DOP1B: variants seen among roughly 807,000 people sequenced by gnomAD.
The protein encoded by DOP1B is protein DOP1B.
Under a neutral mutation model 233.5 loss-of-function variants are expected in DOP1B, and 174 were observed. That is an observed-to-expected ratio of 0.75 (90% CI 0.66 to 0.85). DOP1B has a LOEUF of 0.85. DOP1B is among the 40% of genes least tolerant of loss of function. The pLI is 0.00. For synonymous variants in DOP1B, 1,190 were observed against 1,185.6 expected, an observed-to-expected ratio of 1.00 and a Z score of -0.08; for missense variants, 2,652 against 2,846.6, an observed-to-expected ratio of 0.93 and a Z score of 1.56.
At chr21:36,256,892 T>C (rs1308440960) in intron 23 of DOP1B, among the ~76,000 whole-genome samples, 1 of 152,158 alleles carries the variant, frequency 6.6e-6, no homozygotes, top group African/African-American at 2.4e-5. Flanking sequence ...TGGACACCAG[T>C]TGGGTGTCCT....
At chr21:36,185,008 T>G (rs1476181339) in intron 2 of DOP1B, among the ~76,000 whole-genome samples, 2 of 152,178 alleles carry the variant, frequency 1.3e-5, no homozygotes, top group Non-Finnish European at 2.9e-5. Flanking sequence ...GACTGAAACC[T>G]GTTGAGGATT....
chr21:36,272,572 G>A (rs1022566865), intron 27 of DOP1B, among the ~76,000 whole-genome samples: 3 of 151,540 alleles, frequency 2.0e-5, no homozygotes, highest in East Asian at 1.9e-4. Context: ...ACTTGAACCC[G>A]GAAGGTGGAG....
chr21:36,173,290 T>C (rs8131593), intron 2 of DOP1B, among the ~76,000 whole-genome samples: 56,468 of 152,054 alleles, frequency 0.37, 10,633 homozygotes, highest in South Asian at 0.5. Flanking sequence ...CAACCCTTTT[T>C]TCAACTAAGA....
rs1183044810 is a variant in DOP1B at position 36,281,559 on chromosome 21, T to C, written c.6108T>C (p.Ala2036=). The C allele has an allele frequency of 6.2e-7, 1 of 1,610,074 alleles. No homozygotes were observed. Among genetic ancestry groups the C allele is most frequent in the African/African-American group, 1.3e-5 (1 of 75,034 alleles). Residue 2036 remains alanine, a synonymous_variant, in exon 32 of 37, where the codon GCT becomes GCC. Coordinates refer to ENST00000691173, the MANE Select transcript of DOP1B (RefSeq NM_001320714.2). Reference sequence around the variant, plus strand: ...TGCTGTTAAAGCGCCAGGCTTTTGCTGTCTTCAGTGGAGAACTTGATCAAT... The same window carrying C: ...TGCTGTTAAAGCGCCAGGCTTTTGCCGTCTTCAGTGGAGAACTTGATCAAT... The part of the protein sequence containing the change: ...KAMLLKRQAF[A]VFSGELDQYH...
At chr21:36,227,949 C>CT in intron 13 of DOP1B, 72 bp downstream of exon 13, 1 of 1,400,096 alleles carries the variant, frequency 7.1e-7, no homozygotes. Flanking sequence ...AGTAGAAAGT[C>CT]TTTAGGGTTG....
At chr21:36,274,594 GC>G (rs1737734398) in intron 27 of DOP1B, among the ~76,000 whole-genome samples, 2 of 152,198 alleles carry the variant, frequency 1.3e-5, no homozygotes, top group South Asian at 4.2e-4. Flanking sequence ...GTGTCCGAAG[GC>G]CCCAGGGGCA....
chr21:36,159,162 A>G (rs76101191), intron 1 of DOP1B, among the ~76,000 whole-genome samples: 4,931 of 151,594 alleles, frequency 0.033, 164 homozygotes, highest in African/African-American at 0.081. Flanking sequence ...AAAACAAAAC[A>G]AAAAAGAGAC....
chr21:36,201,345 C>CTTTTTTTTTTTTTT lies in DOP1B; in HGVS notation c.491+851_491+864dup, dbSNP rs1172730528. 6.4e-4 allele frequency among the ~76,000 whole-genome samples: 53 copies of CTTTTTTTTTTTTTT among 83,258 alleles called. 10 individuals are homozygous for CTTTTTTTTTTTTTT. Among genetic ancestry groups the CTTTTTTTTTTTTTT allele is most frequent in the African/African-American group, 1.9e-3 (37 of 19,866 alleles). The allele number at this position is 83,258 out of a possible 152,430, so 54.6% of individuals were successfully genotyped here. On this transcript the variant is annotated intron_variant, in intron 4 of 36. Coordinates refer to ENST00000691173, the MANE Select transcript of DOP1B (RefSeq NM_001320714.2). ...TCTATTCCACTGTATCTATTGGATT[C>CTTTTTTTTTTTTTT]TTTTTTTTTTTTTTTTTTTTGAGAC...
chr21:36,228,717 G>A (rs2066722239), intron 13 of DOP1B, among the ~76,000 whole-genome samples: 1 of 151,902 alleles, frequency 6.6e-6, no homozygotes, highest in African/African-American at 2.4e-5. Context: ...AGTGAGCCGA[G>A]ATAGTGCCAC....
intron 30 of DOP1B, among the ~76,000 whole-genome samples, chr21:36,278,595 C>T (rs981285606): frequency 1.2e-4 from 19 of 152,128 alleles, no homozygotes; most frequent in Admixed American, 3.3e-4. Flanking sequence ...TGGCTGGGCA[C>T]GGTGGCTCAT....
At chr21:36,238,838 C>CA (rs1954419441) in intron 17 of DOP1B, 137 bp downstream of exon 17, 1 of 813,720 alleles carries the variant, frequency 1.2e-6, no homozygotes, top group Admixed American at 2.2e-5. Context: ...TGTGGTGGCT[C>CA]ACGCCTGTAA....
chr21:36,287,941 T>G, intron 32 of DOP1B, 73 bp from the exon 33 acceptor site: 2 of 1,536,288 alleles, frequency 1.3e-6, no homozygotes, highest in Non-Finnish European at 1.8e-6. Flanking sequence ...AGTCACAGTT[T>G]TATTTTTCTT....
chr21:36,292,325 T>TC, intron 36 of DOP1B, 92 bp downstream of exon 36: 2 of 1,021,284 alleles, frequency 2.0e-6, no homozygotes, highest in East Asian at 5.5e-5. Flanking sequence ...GGTGCGGTCT[T>TC]CGCTTACTGC....
In DOP1B at chr21:36,230,932, G is replaced by A. The variant is rs373120963; in HGVS notation, c.2148G>A (p.Ser716=). The A allele has an allele frequency of 2.5e-5, 40 of 1,614,048 alleles. No homozygotes were observed. The highest frequency in any genetic ancestry group is 3.3e-5 in the Admixed American group (2 of 59,992). Residue 716 remains serine, a synonymous_variant, in exon 14 of 37, where the codon TCG becomes TCA. Coordinates refer to ENST00000691173, the MANE Select transcript of DOP1B (RefSeq NM_001320714.2). ...AGACAAAAAGTTCAGAGTCACCATC[G>A]TCTTCGCCCAGCAGCCCTGCCAGGA... ...PFKTKSSESP[S]SSPSSPARKN...
intron 1 of DOP1B, among the ~76,000 whole-genome samples, chr21:36,160,413 C>T (rs1248885088): frequency 6.6e-6 from 1 of 150,928 alleles, no homozygotes; most frequent in Non-Finnish European, 1.5e-5. Context: ...TTGGAGGGTG[C>T]AGTGACAAGT....
intron 26 of DOP1B, among the ~76,000 whole-genome samples, chr21:36,267,208 T>C (rs538682813): frequency 6.6e-6 from 1 of 152,358 alleles, no homozygotes; most frequent in East Asian, 1.9e-4. Flanking sequence ...CCAGATTCTT[T>C]ACTGATCATA....
chr21:36,289,451 G>A (rs1164649808), intron 35 of DOP1B, among the ~76,000 whole-genome samples: 1 of 150,914 alleles, frequency 6.6e-6, no homozygotes, highest in East Asian at 2.0e-4. Context: ...GTGTGTGTGT[G>A]TGTGTGTGTG....
intron 35 of DOP1B, 86 bp downstream of exon 35, chr21:36,289,292 A>G (rs1023506910): frequency 2.9e-6 from 4 of 1,382,804 alleles, no homozygotes; most frequent in Non-Finnish European, 4.0e-6. Context: ...TTTCATGTAC[A>G]GTTTATGGGA....
chr21:36,288,340 C>T (rs919411052), intron 33 of DOP1B, among the ~76,000 whole-genome samples, 190 bp downstream of exon 33: 1 of 152,040 alleles, frequency 6.6e-6, no homozygotes, highest in African/African-American at 2.4e-5. Context: ...GATCTCTCAC[C>T]CTGTCAGTTA....
Sources: gnomAD v4.1 joint callset for allele counts (sites outside exome capture counted in the v4.1 genomes callset) on GRCh38, gnomAD v4.1.1 for gene constraint, MANE v1.5 for transcripts, NCBI Gene and HGNC (gene_info 2026-07-23, HGNC 2026-07-21) for gene names.